P2RX5: variants seen among roughly 807,000 people sequenced by gnomAD.
P2RX5 encodes purinergic receptor P2X 5.
In P2RX5, 46 loss-of-function variants were observed where a neutral mutation model predicts 54.1. The ratio of observed to expected loss-of-function variants is 0.85; its 90% CI spans 0.67 to 1.09. The LOEUF (loss-of-function observed/expected upper bound fraction) is 1.09, where lower values mean the gene tolerates loss of function less well. Ranked by LOEUF, P2RX5 falls within the 50% of genes least tolerant of loss-of-function variation. The pLI is 0.00. For missense variants in P2RX5, 566 were observed against 549.8 expected (o/e 1.03, Z -0.29); for synonymous variants, 226 against 226.4 (o/e 1.00, Z 0.02).
Position 3,696,081 on chromosome 17 carries a change from G to C in P2RX5, c.-76C>G. On this transcript the variant is annotated 5_prime_UTR_variant, in exon 1 of 12. Coordinates refer to ENST00000225328, the MANE Select transcript of P2RX5 (RefSeq NM_002561.4). ...GGGAGCACTCGGTCCCTCGGTCCCT[G>C]CGCGCCCGGCGCCCGCCTCGGCCCG... 1 of 1,474,370 alleles carries C rather than the reference G, an allele frequency of 6.8e-7. No individual in the cohort carries two copies. Among genetic ancestry groups the C allele is most frequent in the South Asian group, 1.3e-5 (1 of 74,608 alleles). The allele number at this position is 1,474,370 out of a possible 1,614,324, so 91.3% of individuals were successfully genotyped here. A position where few individuals can be genotyped will look rare whatever the true frequency, so the allele number is the denominator to read the frequency against.
chr17:3,723,541 T>C, the P2RX5 span: 755 of 1,033,556 alleles, frequency 7.3e-4, 6 homozygotes, highest in African/African-American at 8.8e-3. Context: ...GCGGGAGCAA[T>C]TGAGACCCAG....
chr17:3,714,813 C>A, the P2RX5 span: 1 of 1,270,166 alleles, frequency 7.9e-7, no homozygotes, highest in Non-Finnish European at 1.1e-6. Context: ...AGTCCCAGGA[C>A]TGGCTGATAG....
At chr17:3,723,670 C>T in the P2RX5 span, 1 of 1,575,054 alleles carries the variant, frequency 6.3e-7, no homozygotes, top group South Asian at 1.1e-5. Flanking sequence ...CCTGGCCTCT[C>T]GGGACGGCCG....
chr17:3,701,042 A>G (rs1306533344), upstream of P2RX5, among the ~76,000 whole-genome samples: 2 of 152,064 alleles, frequency 1.3e-5, no homozygotes, highest in African/African-American at 4.8e-5. Flanking sequence ...GCTTCCCTGT[A>G]ATGAGTATAA....
In P2RX5 at chr17:3,673,842, AGGGCCT is replaced by A. The variant is rs746490593; in HGVS notation, c.*20_*25del. ...GGTGCTAGACGGCTGGGTTTAGGAC[AGGGCCT>A]GAACGTAAGCAGAGGCAATTCACGT... On this transcript the variant is annotated 3_prime_UTR_variant, in exon 12 of 12. Transcript: ENST00000225328. 41 of 1,612,926 alleles carry A rather than the reference AGGGCCT, an allele frequency of 2.5e-5. No homozygotes were observed. The Admixed American group carries it at 4.7e-4, about 18-fold the overall frequency.
At position 3,690,988 on chromosome 17, in the gene P2RX5, T is replaced by A. The variant is rs768774118; in HGVS notation, c.328A>T (p.Thr110Ser). The A allele has an allele frequency of 9.4e-6, 15 of 1,603,350 alleles. No individual in the cohort carries two copies. The highest frequency in any genetic ancestry group is 1.7e-4 in the Middle Eastern group (1 of 6,044). The stretch of plus-strand genomic sequence containing the variant: ...CAGACGTTCTGCCGCTGGTTGGGGG[T>A]CACAATCAGGTTGGTGACCACAAAA... Reference protein sequence around the residue: ...VFFVVTNLIVTPNQRQNVCAE... With the variant: ...VFFVVTNLIVSPNQRQNVCAE... Residue 110 changes from threonine to serine, a missense_variant, in exon 3 of 12, where the codon ACC (threonine) becomes TCC (serine). Physicochemically the swap from Thr to Ser is moderately conservative, Grantham distance 58. Transcript: ENST00000225328.
chr17:3,682,138 C>T (rs1037149531), intron 9 of P2RX5, 160 bp from the exon 10 acceptor site: 53 of 674,938 alleles, frequency 7.9e-5, no homozygotes, highest in South Asian at 2.8e-4. Context: ...CACCCTTGTC[C>T]GACACCACAG....
the P2RX5 span, among the ~76,000 whole-genome samples, chr17:3,703,807 T>C: frequency 2.0e-5 from 3 of 151,072 alleles, no homozygotes; most frequent in Admixed American, 6.6e-5. Context: ...ATAAACAACA[T>C]TTAAAAACCC....
intron 10 of P2RX5, among the ~76,000 whole-genome samples, chr17:3,681,149 C>G (rs1306493385): frequency 6.6e-6 from 1 of 152,344 alleles, no homozygotes; most frequent in Non-Finnish European, 1.5e-5. Context: ...AGCCTGTGGC[C>G]AGGGTCAGGG....
Position 3,691,002 on chromosome 17 carries a change from G to C in P2RX5, c.314C>G (p.Thr105Ser). Residue 105 changes from threonine (T) to serine (S), a missense_variant, in exon 3 of 12, where the codon ACC becomes AGC. Physicochemically the swap from Thr to Ser is moderately conservative, Grantham distance 58 (BLOSUM62 1). Transcript: ENST00000225328. ...CTGGTTGGGGGTCACAATCAGGTTG[G>C]TGACCACAAAAAAGACGTTCTCTCC... is the stretch of plus-strand genomic sequence containing the variant. ...AQGENVFFVVTNLIVTPNQRQ... is the reference protein window; with the variant it reads ...AQGENVFFVVSNLIVTPNQRQ... 6.2e-7 allele frequency: 1 copy of C among 1,613,050 alleles called. No homozygotes were observed. Among genetic ancestry groups the C allele is most frequent in the Non-Finnish European group, 8.5e-7 (1 of 1,179,722 alleles).
intron 1 of P2RX5, among the ~76,000 whole-genome samples, chr17:3,692,348 C>A (rs1280764336): frequency 1.3e-5 from 2 of 151,962 alleles, no homozygotes; most frequent in Non-Finnish European, 2.9e-5. Flanking sequence ...ATAAAAGAGG[C>A]AAAGACCACT....
intron 11 of P2RX5, chr17:3,678,040 G>C: frequency 1.0e-6 from 1 of 985,446 alleles, no homozygotes; most frequent in East Asian, 1.1e-4. Flanking sequence ...TGGCCCCAAA[G>C]TTTTCAGCGA....
rs2050498744 is a variant in P2RX5 at position 3,688,056 on chromosome 17, T to C, written c.937A>G (p.Met313Val). ...TCAAAGCGGATCCCGTAGGCTTTCA[T>C]CAGGGTGCGGAACTCCACCCCGGCT... ...DAAGVEFRTL[M>V]KAYGIRFDVM... The change falls in exon 9 of 12, where the codon ATG becomes GTG. Residue 313 changes from methionine (M) to valine (V), a missense_variant. Physicochemically the swap from Met to Val is conservative, Grantham distance 21. Transcript: ENST00000225328. The C allele has an allele frequency of 6.3e-7, 1 of 1,599,966 alleles. No individual in the cohort carries two copies. Among genetic ancestry groups the C allele is most frequent in the Non-Finnish European group, 8.5e-7 (1 of 1,173,416 alleles).
intron 9 of P2RX5, chr17:3,682,997 G>A (rs1327347992): frequency 6.6e-6 from 1 of 152,282 alleles, no homozygotes. Flanking sequence ...CTGCACTCCA[G>A]CCTGGGCAAC....
intron 11 of P2RX5, chr17:3,678,148 C>T (rs1035129441): frequency 1.2e-5 from 12 of 978,740 alleles, no homozygotes; most frequent in African/African-American, 3.5e-5. Context: ...TGTGTGTGGG[C>T]GGGAGGGGGC....
intron 11 of P2RX5, chr17:3,677,849 C>T: frequency 1.0e-6 from 1 of 985,422 alleles, no homozygotes; most frequent in Non-Finnish European, 1.2e-6. Context: ...TTTCCCTGGA[C>T]ACCTGCTCCA....
the P2RX5 span, chr17:3,715,066 C>T: frequency 1.6e-6 from 1 of 621,144 alleles, no homozygotes; most frequent in Non-Finnish European, 2.9e-6. Context: ...TTACTACTCC[C>T]TTCTCCTAAC....
Position 3,690,051 on chromosome 17 carries a change from A to G in P2RX5, c.614+19T>C, listed in dbSNP as rs761428593. 4 of 1,610,354 alleles carry G rather than the reference A, an allele frequency of 2.5e-6. No homozygotes were observed. The highest frequency in any genetic ancestry group is 1.3e-5 in the African/African-American group (1 of 74,876). On this transcript the variant is annotated intron_variant, in intron 6 of 11. Transcript: ENST00000225328. ...CGACCAAGGCCCACCCGTGGCCCCC[A>G]GTAGCCAAGCCCACGTACTTGGAGA...
rs1030986410 is a variant in P2RX5, at chr17:3,676,326, C to G, written c.1260-2449G>C. The G allele has an allele frequency of 3.0e-6, 3 of 985,284 alleles. No homozygotes were observed. In the African/African-American group the frequency reaches 5.2e-5, roughly 17 times the overall value. The allele number at this position is 985,284 out of a possible 1,614,324, so 61.0% of individuals were successfully genotyped here. On this transcript the variant is annotated intron_variant, in intron 11 of 11. Coordinates refer to ENST00000225328, the MANE Select transcript of P2RX5 (RefSeq NM_002561.4). ...CGCCAGCGTCAGGAGAAGTTCATTACCTGAGTGAATGTGTAAGAAACCACA... is the reference window on the plus strand; with the variant it reads ...CGCCAGCGTCAGGAGAAGTTCATTAGCTGAGTGAATGTGTAAGAAACCACA...
Sources: allele counts gnomAD v4.1 joint callset (sites outside exome capture counted in the v4.1 genomes callset), GRCh38; gene constraint gnomAD v4.1.1; transcripts MANE v1.5; gene names NCBI Gene and HGNC (gene_info 2026-07-23, HGNC 2026-07-21).